The following PPP2R5C variants were observed in gnomAD, a reference collection of about 807,000 sequenced individuals.
The protein encoded by PPP2R5C is protein phosphatase 2 regulatory subunit B'gamma.
A neutral mutation model predicts 68.9 loss-of-function variants in PPP2R5C; 7 were observed. That is an observed-to-expected ratio of 0.10 (90% CI 0.06 to 0.19). The LOEUF (loss-of-function observed/expected upper bound fraction) is 0.19. Ranked by LOEUF, PPP2R5C falls within the 10% of genes least tolerant of loss-of-function variation. The pLI, the probability that PPP2R5C is intolerant of heterozygous loss-of-function variation, is 1.00. For synonymous variants in PPP2R5C, 210 were observed against 222.2 expected (o/e 0.95, Z 0.49); for missense variants, 348 against 641.3 (o/e 0.54, Z 4.94).
intron 6 of PPP2R5C, 21 bp downstream of exon 8, chr14:101,890,317 G>A (rs779165104): frequency 5.6e-6 from 9 of 1,605,310 alleles, no homozygotes; most frequent in Non-Finnish European, 7.7e-6. Flanking sequence ...GTTATGGGTA[G>A]CAAACGGCTG....
At position 101,890,173 on chromosome 14, in the gene PPP2R5C, A is replaced by C. The variant is rs1269169648; in HGVS notation, c.630-64A>C. ...TGCCTGGCTCCATGGCTCCTCCTAG[A>C]GCATTGTTTTCTTATTCAGGTTAGT... On this transcript the variant is annotated intron_variant, in intron 5 of 13. Coordinates refer to ENST00000334743, the Ensembl canonical transcript of PPP2R5C. 5 of 1,434,172 alleles carry C rather than the reference A, an allele frequency of 3.5e-6. No homozygotes were observed. The African/African-American group carries it at 5.7e-5, about 16-fold the overall frequency. 88.8% of individuals were successfully genotyped at this position (1,434,172 alleles called of 1,614,324 possible).
intron 2 of PPP2R5C, among the ~76,000 whole-genome samples, chr14:101,866,053 C>T (rs1027182922): frequency 6.6e-6 from 1 of 152,180 alleles, no homozygotes; most frequent in Non-Finnish European, 1.5e-5. Flanking sequence ...CGCCACCACA[C>T]CCAGCTAATT....
In PPP2R5C at chr14:101,897,414, T is replaced by C. The variant is rs114380894; in HGVS notation, c.852+2854T>C. On this transcript the variant is annotated intron_variant, in intron 8 of 13. Coordinates refer to ENST00000334743, the Ensembl canonical transcript of PPP2R5C. ...GGTGAGAGGTTGTATTTTTTTTTTT[T>C]TTTGAGACAGGATCTCGCTCTGTCA... Among the ~76,000 whole-genome samples the C allele has an allele frequency of 5.2e-3, 793 of 151,906 alleles. 7 individuals are homozygous for C. The highest frequency in any genetic ancestry group is 0.019 in the African/African-American group (773 of 41,412).
chr14:101,876,634 C>G (rs1396526802), intron 2 of PPP2R5C, among the ~76,000 whole-genome samples: 1 of 152,192 alleles, frequency 6.6e-6, no homozygotes, highest in Admixed American at 6.5e-5. Context: ...TGGAGAACAT[C>G]TGCAGGACTG....
At chr14:101,790,962 C>T (rs111392919) in intron 3 of PPP2R5C, among the ~76,000 whole-genome samples, 5,915 of 152,174 alleles carry the variant, frequency 0.039, 215 homozygotes, top group East Asian at 0.15. Flanking sequence ...CGCTTGTAGC[C>T]CCAGCTACTC....
At chr14:101,886,052 C>T (rs988520162) in intron 5 of PPP2R5C, among the ~76,000 whole-genome samples, 11 of 152,138 alleles carry the variant, frequency 7.2e-5, no homozygotes, top group Admixed American at 2.6e-4. Flanking sequence ...GAGGCCGAGG[C>T]GGGCAGATCA....
intron 2 of PPP2R5C, among the ~76,000 whole-genome samples, chr14:101,763,387 A>AT (rs113474231): frequency 0.034 from 4,458 of 130,454 alleles, 188 homozygotes; most frequent in African/African-American, 0.1. Flanking sequence ...CACCCAACAA[A>AT]TTTTTTTTTT....
At chr14:101,815,654 C>T (rs2039613817) in intron 1 of PPP2R5C, among the ~76,000 whole-genome samples, 1 of 152,174 alleles carries the variant, frequency 6.6e-6, no homozygotes, top group Non-Finnish European at 1.5e-5. Flanking sequence ...TGAGTGATCA[C>T]TCAGGAAATA....
At chr14:101,839,149 G>C (rs542247285) in intron 1 of PPP2R5C, 1 of 151,618 alleles carries the variant, frequency 6.6e-6, no homozygotes, top group Non-Finnish European at 1.5e-5. Context: ...TCAGAAGTTC[G>C]AGACCAGCCT....
intron 2 of PPP2R5C, among the ~76,000 whole-genome samples, chr14:101,772,376 C>A (rs1001554873): frequency 5.3e-5 from 8 of 152,162 alleles, no homozygotes; most frequent in Non-Finnish European, 1.0e-4. Flanking sequence ...CCCATAGGAG[C>A]GGGACTTGGA....
intron 2 of PPP2R5C, among the ~76,000 whole-genome samples, chr14:101,875,280 A>G (rs1162924853): frequency 1.3e-5 from 2 of 152,170 alleles, no homozygotes; most frequent in Non-Finnish European, 2.9e-5. Flanking sequence ...TTCACTGCCG[A>G]GCACTCATTG....
intron 1 of PPP2R5C, chr14:101,820,644 C>G (rs1314082942): frequency 6.6e-6 from 1 of 152,188 alleles, no homozygotes; most frequent in Non-Finnish European, 1.5e-5. Context: ...CTGTCTGAGC[C>G]TGGGGTGTTT....
chr14:101,778,207 T>C (rs1222418924), intron 2 of PPP2R5C, among the ~76,000 whole-genome samples: 1 of 152,202 alleles, frequency 6.6e-6, no homozygotes, highest in African/African-American at 2.4e-5. Flanking sequence ...TGTTTGGCCA[T>C]TTGTATATCT....
chr14:101,823,673 C>T, intron 1 of PPP2R5C: 3 of 812,688 alleles, frequency 3.7e-6, no homozygotes, highest in Non-Finnish European at 4.5e-6. Flanking sequence ...GGTTCTCCAA[C>T]TTGTCTGAGG....
At chr14:101,866,918 CA>C (rs1370410383) in intron 2 of PPP2R5C, among the ~76,000 whole-genome samples, 2 of 151,692 alleles carry the variant, frequency 1.3e-5, no homozygotes, top group East Asian at 1.9e-4. Context: ...CTTGTGTCTA[CA>C]AAAAAAATTT....
intron 5 of PPP2R5C, among the ~76,000 whole-genome samples, chr14:101,887,300 T>C (rs1471281181): frequency 6.6e-6 from 1 of 152,248 alleles, no homozygotes; most frequent in Non-Finnish European, 1.5e-5. Context: ...GGTCATGCTC[T>C]ATCCTCACCC....
At chr14:101,783,916 C>T (rs2037963915) in intron 2 of PPP2R5C, among the ~76,000 whole-genome samples, 1 of 152,172 alleles carries the variant, frequency 6.6e-6, no homozygotes, top group African/African-American at 2.4e-5. Flanking sequence ...CCAGGGGCAC[C>T]CAGAGAAGGC....
intron 3 of PPP2R5C, among the ~76,000 whole-genome samples, chr14:101,800,328 G>A (rs192193455): frequency 2.6e-5 from 4 of 152,090 alleles, no homozygotes; most frequent in South Asian, 2.1e-4. Flanking sequence ...TCGGGAGGCC[G>A]AGGCAGGCGG....
At chr14:101,867,137 A>G (rs1023894064) in intron 2 of PPP2R5C, among the ~76,000 whole-genome samples, 3 of 151,918 alleles carry the variant, frequency 2.0e-5, no homozygotes, top group African/African-American at 7.3e-5. Flanking sequence ...GAATTGCTTG[A>G]ACCCAGGAGG....
Sources: allele counts gnomAD v4.1 joint callset (sites outside exome capture counted in the v4.1 genomes callset), GRCh38; gene constraint gnomAD v4.1.1; transcripts MANE v1.5; gene names NCBI Gene and HGNC (gene_info 2026-07-23, HGNC 2026-07-21).